ZNF367: variants seen among roughly 807,000 people sequenced by gnomAD.
The protein encoded by ZNF367 is zinc finger protein 367, also known as C2H2 zinc finger protein ZFF29.
A neutral mutation model predicts 31.8 loss-of-function variants in ZNF367; 11 were observed. The observed-to-expected ratio is 0.35, with a 90% CI of 0.22 to 0.57. ZNF367 has a LOEUF of 0.57. ZNF367 is among the 20% of genes least tolerant of loss of function. ZNF367 has a pLI of 0.85. For missense variants in ZNF367, 353 were observed against 484.1 expected (o/e 0.73, Z 2.54); for synonymous variants, 199 against 202.4 (o/e 0.98, Z 0.14).
chr9:96,411,140 C>T (rs919390702), intron 1 of ZNF367, among the ~76,000 whole-genome samples: 16 of 150,962 alleles, frequency 1.1e-4, no homozygotes, highest in South Asian at 6.3e-4. Context: ...GCCATGATTG[C>T]GCCACTGTAC....
At chr9:96,388,779 A>C (rs1267403387) in intron 4 of ZNF367, among the ~76,000 whole-genome samples, 1 of 152,252 alleles carries the variant, frequency 6.6e-6, no homozygotes, top group African/African-American at 2.4e-5. Flanking sequence ...CAGAAATAGT[A>C]GAAAAAACAG....
At position 96,417,610 on chromosome 9, in the gene ZNF367, C is replaced by T; in HGVS notation, c.420+3G>A. The T allele has an allele frequency of 1.7e-6, 1 of 583,928 alleles. No individual in the cohort carries two copies. The highest frequency in any genetic ancestry group is 2.5e-6 in the Non-Finnish European group (1 of 403,072). The allele number at this position is 583,928 out of a possible 1,614,324, so 36.2% of individuals were successfully genotyped here. On this transcript the variant is annotated splice_donor_region_variant and intron_variant, in intron 1 of 4. Transcript: ENST00000375256. The surrounding 1 kb of genome is among the most constrained non-coding windows in gnomAD (Gnocchi z 5.0). ...CGCCCGCCCGCCCGCCCGCGCCGCT[C>T]ACCTTGAGGTGGCCGCTGTCTGGGC...
chr9:96,405,503 T>A (rs200538706), intron 1 of ZNF367, among the ~76,000 whole-genome samples: 3 of 152,130 alleles, frequency 2.0e-5, no homozygotes, highest in East Asian at 1.9e-4. Context: ...ATACTACTGA[T>A]GAGAATGTAA....
rs1482269769 is a variant in ZNF367, at chr9:96,386,897, A to C, written c.*1340T>G. ...TGAAGAGCCCATATTTCCCTCTATT[A>C]CTCTGAGTTTTACTCCAATTAAGCG... On this transcript the variant is annotated 3_prime_UTR_variant, in exon 5 of 5. Coordinates refer to ENST00000375256, the MANE Select transcript of ZNF367 (RefSeq NM_153695.4). 6.6e-6 allele frequency: 1 copy of C among 151,976 alleles called. No individual in the cohort carries two copies. The highest frequency in any genetic ancestry group is 1.5e-5 in the Non-Finnish European group (1 of 67,970). 9.4% of individuals were successfully genotyped at this position (151,976 alleles called of 1,614,324 possible).
intron 1 of ZNF367, chr9:96,407,584 A>G (rs1324530430): frequency 2.1e-6 from 3 of 1,443,854 alleles, no homozygotes; most frequent in African/African-American, 2.8e-5. Context: ...ATCTCGAGCT[A>G]AAGTACTTTC....
chr9:96,417,866 AGCGGCG>A lies in ZNF367; in HGVS notation c.161_166del (p.Pro54_Pro55del). The A allele has an allele frequency of 1.3e-6, 2 of 1,516,616 alleles. No homozygotes were observed. Among genetic ancestry groups the A allele is most frequent in the Non-Finnish European group, 1.8e-6 (2 of 1,141,094 alleles). The allele number at this position is 1,516,616 out of a possible 1,614,324, so 93.9% of individuals were successfully genotyped here. On this transcript the variant is annotated inframe_deletion, in exon 1 of 5. Coordinates refer to ENST00000375256, the MANE Select transcript of ZNF367 (RefSeq NM_153695.4). The surrounding 1 kb of genome is among the most constrained non-coding windows in gnomAD (Gnocchi z 5.0). ...GCTGAAGCCGGGGCTGGTGGGGATG[AGCGGCG>A]GCGGCGGCTCCGGCTCCCCTCCACC...
intron 3 of ZNF367, among the ~76,000 whole-genome samples, chr9:96,393,349 C>T (rs2131071735): frequency 6.6e-6 from 1 of 151,914 alleles, no homozygotes; most frequent in East Asian, 1.9e-4. Flanking sequence ...CATGGTCCCC[C>T]ATCTCTACTA....
rs376503759 is a variant in ZNF367, at chr9:96,411,966, T to C, written c.420+5647A>G. ...CCTCAGCCTCCCAAGTAGCTGGGAC[T>C]ATAGGCAAGCGTCACCATGCCCAGC... On this transcript the variant is annotated intron_variant, in intron 1 of 4. Transcript: ENST00000375256. Among the ~76,000 whole-genome samples, 3 of 152,198 alleles carry C rather than the reference T, an allele frequency of 2.0e-5. No individual in the cohort carries two copies. In the South Asian group the frequency reaches 6.2e-4, roughly 31 times the overall value.
chr9:96,405,417 T>C (rs1225778719), intron 1 of ZNF367, among the ~76,000 whole-genome samples: 1 of 151,388 alleles, frequency 6.6e-6, no homozygotes, highest in African/African-American at 2.4e-5. Flanking sequence ...GAGGTTATAC[T>C]ATACTGGGAG....
intron 1 of ZNF367, among the ~76,000 whole-genome samples, chr9:96,415,963 C>T (rs899682754): frequency 1.2e-4 from 18 of 151,532 alleles, no homozygotes; most frequent in African/African-American, 3.9e-4. Context: ...CCGCCAGATG[C>T]GGTCTATGTT....
chr9:96,409,760 T>G (rs1831718106), intron 1 of ZNF367, among the ~76,000 whole-genome samples: 1 of 152,232 alleles, frequency 6.6e-6, no homozygotes, highest in Non-Finnish European at 1.5e-5. Flanking sequence ...TTGCTAAAAT[T>G]ATTAACACAG....
chr9:96,396,105 T>C (rs1006183576), intron 2 of ZNF367, among the ~76,000 whole-genome samples: 2 of 152,132 alleles, frequency 1.3e-5, no homozygotes, highest in African/African-American at 4.8e-5. Flanking sequence ...AACTATCCCT[T>C]AGGGATCCTC....
chr9:96,416,006 T>C (rs1274089263), intron 1 of ZNF367, among the ~76,000 whole-genome samples: 1 of 151,342 alleles, frequency 6.6e-6, no homozygotes, highest in East Asian at 1.9e-4. Context: ...TGGTCTCAAG[T>C]GATTCCCCAG....
chr9:96,409,152 G>A (rs1335491063), intron 1 of ZNF367, among the ~76,000 whole-genome samples: 1 of 152,040 alleles, frequency 6.6e-6, no homozygotes, highest in African/African-American at 2.4e-5. Context: ...GCCTTGATTC[G>A]AAGCTCCCTG....
chr9:96,407,403 G>T (rs1423874344), intron 1 of ZNF367: 9 of 1,473,218 alleles, frequency 6.1e-6, no homozygotes, highest in Non-Finnish European at 8.5e-6. Context: ...AGAAGGCAAA[G>T]AAAATGATTG....
At chr9:96,416,046 GAGC>G (rs1831823465) in intron 1 of ZNF367, among the ~76,000 whole-genome samples, 1 of 151,068 alleles carries the variant, frequency 6.6e-6, no homozygotes, top group African/African-American at 2.4e-5. Context: ...TCACAGGCAT[GAGC>G]CACCTCACCA....
At position 96,392,472 on chromosome 9, in the gene ZNF367, C is replaced by G. The variant is rs890827069; in HGVS notation, c.756G>C (p.Lys252Asn). 6.2e-7 allele frequency: 1 copy of G among 1,613,960 alleles called. No individual in the cohort carries two copies. Residue 252 changes from lysine to asparagine, a missense_variant, in exon 4 of 5, where the codon AAG becomes AAC. Physicochemically the swap from Lys to Asn is moderately conservative, Grantham distance 94. This residue lies in a region of ZNF367 where 101 missense variants were observed against 140.0 expected (regional missense o/e 0.72). Transcript: ENST00000375256. Reference sequence around the variant, plus strand: ...TGAGTGTGTCCGTGGGCTCCTCTCTCTTCAGCCTGGCGTAGGGGTGCTTCG... The same window carrying G: ...TGAGTGTGTCCGTGGGCTCCTCTCTGTTCAGCCTGGCGTAGGGGTGCTTCG... Reference protein sequence around the residue: ...HCPKHPYARLKREEPTDTLSK... With the variant: ...HCPKHPYARLNREEPTDTLSK...
intron 1 of ZNF367, among the ~76,000 whole-genome samples, chr9:96,415,603 T>G (rs1444518576): frequency 7.1e-6 from 1 of 140,130 alleles, no homozygotes; most frequent in African/African-American, 2.6e-5. Context: ...GTTCTACCAA[T>G]TCTCCTGCCT....
intron 4 of ZNF367, 37 bp downstream of exon 4, chr9:96,392,361 T>G (rs1485479331): frequency 6.2e-7 from 1 of 1,613,934 alleles, no homozygotes; most frequent in South Asian, 1.1e-5. Flanking sequence ...GCCCGCGCTG[T>G]GCATCTTCAC....
Sources: gnomAD v4.1 joint callset for allele counts (sites outside exome capture counted in the v4.1 genomes callset) on GRCh38, gnomAD v4.1.1 for gene constraint, gnomAD v4.1.1 regional missense constraint, Gnocchi (gnomAD v3.1) non-coding constraint, MANE v1.5 for transcripts, NCBI Gene and HGNC (gene_info 2026-07-23, HGNC 2026-07-21) for gene names.